The following ATG7 variants were observed in gnomAD, a reference collection of about 807,000 sequenced individuals.
ATG7 encodes ubiquitin-like modifier-activating enzyme ATG7.
ATG7 carries 70 observed loss-of-function variants against 82.4 expected under a neutral mutation model. That is an observed-to-expected ratio of 0.85 (90% CI 0.70 to 1.04). ATG7 has a LOEUF of 1.04. Ranked by LOEUF, ATG7 falls within the 50% of genes least tolerant of loss-of-function variation. The pLI is 0.00. For synonymous variants in ATG7, 287 were observed against 313.0 expected (o/e 0.92, Z 0.88); for missense variants, 792 against 864.3 (o/e 0.92, Z 1.05).
At chr3:11,387,351 T>G (rs569174106) in intron 19 of ATG7, among the ~76,000 whole-genome samples, 1 of 152,218 alleles carries the variant, frequency 6.6e-6, no homozygotes, top group Non-Finnish European at 1.5e-5. Flanking sequence ...TTTTTAAGAC[T>G]ACCTAATTAG....
At chr3:11,286,229 A>G (rs988433319) in intron 3 of ATG7, among the ~76,000 whole-genome samples, 5 of 152,234 alleles carry the variant, frequency 3.3e-5, no homozygotes, top group African/African-American at 1.2e-4. Context: ...TATTGTCACT[A>G]GTAGCTACCA....
intron 19 of ATG7, among the ~76,000 whole-genome samples, chr3:11,390,365 G>C (rs544163029): frequency 6.6e-6 from 1 of 152,244 alleles, no homozygotes; most frequent in Non-Finnish European, 1.5e-5. Flanking sequence ...GGAGGAGCAA[G>C]AGTTTCATTT....
intron 19 of ATG7, among the ~76,000 whole-genome samples, chr3:11,407,262 C>A (rs12490580): frequency 1.1e-4 from 16 of 152,174 alleles, no homozygotes; most frequent in Admixed American, 9.2e-4. Flanking sequence ...CCTTTGACTC[C>A]GTGTCTCACA....
chr3:11,512,769 G>A (rs891574894), intron 20 of ATG7, among the ~76,000 whole-genome samples: 6 of 152,204 alleles, frequency 3.9e-5, no homozygotes, highest in Admixed American at 3.3e-4. Flanking sequence ...GTGTGGAAGG[G>A]GACCTGAGCG....
chr3:11,576,152 C>T, the ATG7 span, among the ~76,000 whole-genome samples: 1 of 152,270 alleles, frequency 6.6e-6, no homozygotes, highest in Admixed American at 6.5e-5. Flanking sequence ...GCAACTGTTG[C>T]CAGGGAAGTA....
rs561686091 is a variant in ATG7, at chr3:11,360,886, T to C, written c.1683+102T>C. ...CATTTATGACTATTTAAATATTATC[T>C]TTTAACAAAGAGAAGAATTCTCCAA... On this transcript the variant is annotated intron_variant, in intron 16 of 20. Coordinates refer to ENST00000693202, the MANE Select transcript of ATG7 (RefSeq NM_001349232.2). 210 of 1,273,900 alleles carry C rather than the reference T, an allele frequency of 1.6e-4. 2 individuals carry two copies. The South Asian group carries it at 2.5e-3, about 15-fold the overall frequency. The allele number at this position is 1,273,900 out of a possible 1,614,324, so 78.9% of individuals were successfully genotyped here.
chr3:11,378,740 T>G (rs2077644423), intron 18 of ATG7, among the ~76,000 whole-genome samples: 1 of 151,470 alleles, frequency 6.6e-6, no homozygotes, highest in African/African-American at 2.4e-5. Flanking sequence ...CAGGTTTGAT[T>G]TTTTTCCAGA....
intron 3 of ATG7, among the ~76,000 whole-genome samples, chr3:11,289,463 C>T (rs983004061): frequency 6.6e-6 from 1 of 152,230 alleles, no homozygotes; most frequent in Non-Finnish European, 1.5e-5. Context: ...TAAGACTTTT[C>T]TGTTTTCAGC....
chr3:11,511,344 T>C (rs1382416270), intron 20 of ATG7, among the ~76,000 whole-genome samples: 1 of 152,198 alleles, frequency 6.6e-6, no homozygotes, highest in Admixed American at 6.5e-5. Flanking sequence ...CCCATCATAT[T>C]AGTTAGATAC....
intron 1 of ATG7, among the ~76,000 whole-genome samples, chr3:11,276,981 CCTTT>C (rs562772250): frequency 1.3e-3 from 194 of 152,314 alleles, no homozygotes; most frequent in African/African-American, 4.4e-3. Context: ...CAATTCCTCT[CCTTT>C]CATTTAGTCA....
At position 11,412,717 on chromosome 3, in the gene ATG7, A is replaced by G. The variant is rs1368835531; in HGVS notation, c.1957-14087A>G. On this transcript the variant is annotated intron_variant, in intron 19 of 20. Transcript: ENST00000693202. Reference sequence around the variant, plus strand: ...AGGATGGCTTTTTTTTTATTTCTGCAAAAAACACCGTTGGATTTGTATAGA... The same window carrying G: ...AGGATGGCTTTTTTTTTATTTCTGCGAAAAACACCGTTGGATTTGTATAGA... Among the ~76,000 whole-genome samples the G allele has an allele frequency of 3.9e-5, 6 of 152,034 alleles. No individual in the cohort carries two copies. In the East Asian group the frequency reaches 1.2e-3, roughly 29 times the overall value.
intron 20 of ATG7, among the ~76,000 whole-genome samples, chr3:11,445,244 C>T (rs757006862): frequency 6.6e-6 from 1 of 152,208 alleles, no homozygotes; most frequent in South Asian, 2.1e-4. Flanking sequence ...CATAAAGACA[C>T]GTGCACACAG....
At chr3:11,549,824 T>C (rs565923717) in intron 20 of ATG7, among the ~76,000 whole-genome samples, 1 of 152,356 alleles carries the variant, frequency 6.6e-6, no homozygotes, top group South Asian at 2.1e-4. Flanking sequence ...AAAGTGGTTT[T>C]GCCAGTTTCC....
intron 20 of ATG7, among the ~76,000 whole-genome samples, chr3:11,490,478 G>T (rs1260254693): frequency 6.6e-6 from 1 of 152,144 alleles, no homozygotes; most frequent in Non-Finnish European, 1.5e-5. Context: ...TATATTTAAA[G>T]TTAATATTGT....
rs371719722 is a variant in ATG7 at position 11,379,990 on chromosome 3, C to T, written c.1894C>T (p.Arg632Trp). The T allele has an allele frequency of 5.4e-5, 87 of 1,613,982 alleles. No homozygotes were observed. Among genetic ancestry groups the T allele is most frequent in the East Asian group, 1.8e-4 (8 of 44,902 alleles). ...TTTTTAGATCCGGGGATTTCTTTCA[C>T]GGTTTGATAATGTCCTTCCCGTCAG... ...VPHQIRGFLS[R>W]FDNVLPVSLA... Residue 632 changes from arginine (R) to tryptophan (W), a missense_variant, in exon 19 of 21, where the codon CGG becomes TGG. Arg to Trp is a moderately radical substitution (Grantham distance 101, BLOSUM62 -3). Transcript: ENST00000693202.
intron 20 of ATG7, among the ~76,000 whole-genome samples, chr3:11,484,212 A>G (rs1272327541): frequency 2.0e-5 from 3 of 152,124 alleles, no homozygotes; most frequent in Non-Finnish European, 4.4e-5. Flanking sequence ...TGGCCAATAC[A>G]GTAGAACCCC....
At chr3:11,331,173 G>C (rs1234341222) in intron 9 of ATG7, among the ~76,000 whole-genome samples, 167 bp from the exon 10 acceptor site, 1 of 152,194 alleles carries the variant, frequency 6.6e-6, no homozygotes, top group Admixed American at 6.5e-5. Context: ...CTGTAGTGCA[G>C]TGTGAGATCC....
downstream of ATG7, chr3:11,558,259 G>A (rs7355828): frequency 0.022 from 10,419 of 479,966 alleles, 206 homozygotes; most frequent in Middle Eastern, 0.053. Flanking sequence ...TCCTGGCCCC[G>A]TCGGGGCAGC....
At chr3:11,297,895 A>G (rs1447486552) in intron 3 of ATG7, among the ~76,000 whole-genome samples, 1 of 152,182 alleles carries the variant, frequency 6.6e-6, no homozygotes, top group Non-Finnish European at 1.5e-5. Flanking sequence ...GTCTGTGTCG[A>G]AGAAGGAATA....
Sources: allele counts gnomAD v4.1 joint callset (sites outside exome capture counted in the v4.1 genomes callset), GRCh38; gene constraint gnomAD v4.1.1; transcripts MANE v1.5; gene names NCBI Gene and HGNC (gene_info 2026-07-23, HGNC 2026-07-21).